The following IQCK variants were observed in gnomAD, a reference collection of about 807,000 sequenced individuals.
The protein encoded by IQCK is IQ domain-containing protein K.
IQCK carries 29 observed loss-of-function variants against 28.1 expected under a neutral mutation model. The observed-to-expected ratio is 1.03, with a 90% CI of 0.77 to 1.41. The LOEUF (loss-of-function observed/expected upper bound fraction) is 1.41, where lower values mean the gene tolerates loss of function less well. Ranked by LOEUF, IQCK falls within the 40% of genes most tolerant of loss-of-function variation. The pLI is 0.00. For synonymous variants in IQCK, 113 were observed against 115.1 expected (o/e 0.98, Z 0.12); for missense variants, 359 against 314.7 (o/e 1.14, Z -1.07).
chr16:19,734,459 C>CA (rs34178017), intron 3 of IQCK, among the ~76,000 whole-genome samples: 13,835 of 50,124 alleles, frequency 0.28, 3,108 homozygotes, highest in African/African-American at 0.58. Context: ...GACTCCATCA[C>CA]AAAAAAAAAA....
chr16:19,735,456 T>C lies in IQCK; in HGVS notation c.474+6T>C. 6.3e-7 allele frequency: 1 copy of C among 1,589,870 alleles called. No homozygotes were observed. Among genetic ancestry groups the C allele is most frequent in the Non-Finnish European group, 8.6e-7 (1 of 1,157,848 alleles). On this transcript the variant is annotated splice_donor_region_variant and intron_variant, in intron 4 of 7. Coordinates refer to ENST00000564186, the Ensembl canonical transcript of IQCK. ...AGAAAGAAAAATGTTTTGAGGTCAG[T>C]TGTTTGGCAGGATTTCTTTATTTTG...
At chr16:19,812,233 C>G (rs1195418979) in intron 7 of IQCK, among the ~76,000 whole-genome samples, 1 of 152,098 alleles carries the variant, frequency 6.6e-6, no homozygotes, top group Non-Finnish European at 1.5e-5. Context: ...GTGATCCGCC[C>G]ACCTGGGCCT....
chr16:19,766,676 C>T (rs1251691906), intron 6 of IQCK, among the ~76,000 whole-genome samples: 2 of 151,938 alleles, frequency 1.3e-5, no homozygotes, highest in Admixed American at 6.5e-5. Flanking sequence ...GGCCTCCACT[C>T]ACTAGATGCC....
At chr16:19,745,679 C>T (rs924815) in intron 4 of IQCK, among the ~76,000 whole-genome samples, 59,414 of 152,134 alleles carry the variant, frequency 0.39, 17,521 homozygotes, top group African/African-American at 0.83. Context: ...CTGAAAACTT[C>T]ATGGCTTAAA....
At chr16:19,816,343 G>A (rs535403429) in intron 7 of IQCK, among the ~76,000 whole-genome samples, 4 of 152,194 alleles carry the variant, frequency 2.6e-5, no homozygotes, top group South Asian at 2.1e-4. Flanking sequence ...GTGCAGTGGC[G>A]TGATCTCGGC....
Position 19,718,382 on chromosome 16 carries a change from C to G in IQCK, c.76C>G (p.Arg26Gly), listed in dbSNP as rs763828320. ...CTGCTCTACAGACTCGTCGTTCACC[C>G]GGACGCCGGTGCCCACCGTGTCTCT... The change falls in exon 1 of 8, where the codon CGG (arginine) becomes GGG (glycine). Residue 26 changes from arginine to glycine, a missense_variant. Coordinates refer to ENST00000564186, the Ensembl canonical transcript of IQCK. 1.4e-5 allele frequency: 22 copies of G among 1,607,354 alleles called. No homozygotes were observed. Among genetic ancestry groups the G allele is most frequent in the Non-Finnish European group, 1.8e-5 (21 of 1,177,586 alleles).
chr16:19,814,352 C>A (rs1437033984), intron 7 of IQCK, among the ~76,000 whole-genome samples: 1 of 151,812 alleles, frequency 6.6e-6, no homozygotes, highest in Non-Finnish European at 1.5e-5. Flanking sequence ...TTGCAGTGAG[C>A]CGAGATCGCA....
intron 7 of IQCK, 84 bp from the exon 8 acceptor site, chr16:19,826,942 G>T: frequency 1.2e-6 from 1 of 866,372 alleles, no homozygotes; most frequent in East Asian, 2.4e-5. Flanking sequence ...CAACTGGTTT[G>T]TAAAGGATTT....
At chr16:19,818,354 G>A (rs1037175910) in intron 7 of IQCK, among the ~76,000 whole-genome samples, 1 of 152,170 alleles carries the variant, frequency 6.6e-6, no homozygotes, top group Non-Finnish European at 1.5e-5. Context: ...CTTTGTGTGT[G>A]TGTGTGTGTG....
At chr16:19,856,327 T>A (rs1201341626) in intron 9 of IQCK, among the ~76,000 whole-genome samples, 160 bp from the exon 9 acceptor site, 1 of 152,214 alleles carries the variant, frequency 6.6e-6, no homozygotes, top group Non-Finnish European at 1.5e-5. Context: ...GGGCCTGTGT[T>A]CTTCCCCGTG....
intron 1 of IQCK, among the ~76,000 whole-genome samples, chr16:19,722,982 G>C (rs536399983): frequency 6.6e-6 from 1 of 152,178 alleles, no homozygotes; most frequent in Admixed American, 6.5e-5. Context: ...AAAGTGCTGG[G>C]ATTACAGGCG....
At chr16:19,742,637 C>T (rs139723532) in intron 4 of IQCK, among the ~76,000 whole-genome samples, 22 of 152,248 alleles carry the variant, frequency 1.4e-4, no homozygotes, top group African/African-American at 4.8e-4. Context: ...TACACAGCAG[C>T]GTAATTCATT....
rs1464322741 is a variant in IQCK at position 19,834,801 on chromosome 16, A to G, written c.802+7664A>G. Among the ~76,000 whole-genome samples, 4 of 152,214 alleles carry G rather than the reference A, an allele frequency of 2.6e-5. No individual in the cohort carries two copies. The South Asian group carries it at 6.2e-4, about 24-fold the overall frequency. On this transcript the variant is annotated intron_variant, in intron 9 of 9. Coordinates refer to the IQCK transcript ENST00000320394. ...TGGCCACCAGAGAGGGAACCTGGGT[A>G]CCAGGAACACTCTAGCCTGTGGCTC...
chr16:19,747,975 TGTGACTGTTAGCTCCAGCCTG>T (rs1424077007), intron 4 of IQCK, among the ~76,000 whole-genome samples: 1 of 152,094 alleles, frequency 6.6e-6, no homozygotes, highest in Non-Finnish European at 1.5e-5. Flanking sequence ...AGATGGCAGC[TGTGACTGTTAGCTCCAGCCTG>T]GTGACTTCAG....
intron 6 of IQCK, among the ~76,000 whole-genome samples, chr16:19,774,398 CTT>C (rs1167894201): frequency 0.074 from 7,544 of 102,384 alleles, 73 homozygotes; most frequent in Non-Finnish European, 0.092. Context: ...TTAGCTAATA[CTT>C]TTTTTTTTTT....
intron 4 of IQCK, among the ~76,000 whole-genome samples, chr16:19,741,994 A>G (rs1383753059): frequency 1.3e-5 from 2 of 152,154 alleles, no homozygotes; most frequent in East Asian, 3.9e-4. Flanking sequence ...CTCAAAAACA[A>G]CAAAAACAAC....
chr16:19,830,956 A>G (rs1331784283), downstream of IQCK, among the ~76,000 whole-genome samples: 2 of 152,238 alleles, frequency 1.3e-5, no homozygotes, highest in Non-Finnish European at 2.9e-5. Flanking sequence ...TCCAAGCTCC[A>G]TGGGCTTTCA....
At chr16:19,836,660 C>T (rs1232093759) in intron 9 of IQCK, among the ~76,000 whole-genome samples, 1 of 152,118 alleles carries the variant, frequency 6.6e-6, no homozygotes, top group African/African-American at 2.4e-5. Context: ...ACTACAGGCG[C>T]ACGCCACCAC....
rs192270720 is a variant in IQCK at position 19,719,224 on chromosome 16, A to G, written c.181+737A>G. Among the ~76,000 whole-genome samples the G allele has an allele frequency of 4.2e-3, 638 of 151,556 alleles. 3 individuals are homozygous for G. The highest frequency in any genetic ancestry group is 0.014 in the African/African-American group (568 of 41,316). On this transcript the variant is annotated intron_variant, in intron 1 of 7. Transcript: ENST00000564186. ...TAGGAGGGCAAAAGGATTATTGGGGAAAAAAAAACACAAACTGCTCGATTT... is the reference window on the plus strand; with the variant it reads ...TAGGAGGGCAAAAGGATTATTGGGGGAAAAAAAACACAAACTGCTCGATTT...
Sources: allele counts gnomAD v4.1 joint callset (sites outside exome capture counted in the v4.1 genomes callset), GRCh38; gene constraint gnomAD v4.1.1; transcripts MANE v1.5; gene names NCBI Gene and HGNC (gene_info 2026-07-23, HGNC 2026-07-21).